The following FBXO11 variants were observed in gnomAD, a reference collection of about 807,000 sequenced individuals.
The protein encoded by FBXO11 is F-box protein 11, also known as F-box only protein 11.
In FBXO11, 13 loss-of-function variants were observed where a neutral mutation model predicts 117.0. That is an observed-to-expected ratio of 0.11 (90% CI 0.07 to 0.18). The LOEUF (loss-of-function observed/expected upper bound fraction) is 0.18, where lower values mean the gene tolerates loss of function less well. FBXO11 is among the 10% of genes least tolerant of loss of function. The probability of loss-of-function intolerance (pLI) is 1.00; values close to 1 mark genes in which losing one functional copy is unlikely to be tolerated. For synonymous variants in FBXO11, 490 were observed against 380.5 expected (o/e 1.29, Z -3.35); for missense variants, 767 against 1,164.4 (o/e 0.66, Z 4.97).
chr2:47,822,372 TA>T, intron 12 of FBXO11, 69 bp from the exon 13 acceptor site: 1 of 938,664 alleles, frequency 1.1e-6, no homozygotes, highest in East Asian at 2.5e-5. Flanking sequence ...TATACAACGG[TA>T]AGGCCCCTCA....
chr2:47,849,541 TCAAA>T (rs747705116), intron 1 of FBXO11, among the ~76,000 whole-genome samples: 3 of 152,206 alleles, frequency 2.0e-5, no homozygotes, highest in Non-Finnish European at 4.4e-5. Context: ...CACAGGTCAA[TCAAA>T]CAGAATATTG....
In FBXO11 at chr2:47,808,374, T is replaced by G; in HGVS notation, c.2609A>C (p.Lys870Thr). 6.2e-7 allele frequency: 1 copy of G among 1,612,390 alleles called. No individual in the cohort carries two copies. The highest frequency in any genetic ancestry group is 8.5e-7 in the Non-Finnish European group (1 of 1,179,144). The change falls in exon 22 of 23, where the codon AAG (lysine) becomes ACG (threonine). Residue 870 changes from lysine to threonine, a missense_variant. By Grantham distance (78) the Lys-to-Thr change is moderately conservative. This residue lies in a region of FBXO11 where 47 missense variants were observed against 117.3 expected (regional missense o/e 0.40). Transcript: ENST00000403359. ...TACATCATGTCCCTGATGGCACTTC[T>G]TAATGCAGTTCACACATATGGCATT... The part of the protein sequence containing the change: ...DRNAICVNCI[K>T]KCHQGHDVEF...
At position 47,852,157 on chromosome 2, in the gene FBXO11, T is replaced by C. The variant is rs370386079; in HGVS notation, c.233-12388A>G. 1.2e-3 allele frequency among the ~76,000 whole-genome samples: 180 copies of C among 152,128 alleles called. 1 individual carries two copies. Among genetic ancestry groups the C allele is most frequent in the African/African-American group, 3.9e-3 (161 of 41,502 alleles). ...GGCACCTGCCACCACACCCGGCTAA[T>C]TTTTGTATTTTTAGTAGAGACGGGG... On this transcript the variant is annotated intron_variant, in intron 1 of 22. Transcript: ENST00000403359.
intron 1 of FBXO11, among the ~76,000 whole-genome samples, chr2:47,867,618 C>A (rs1412959625): frequency 1.3e-5 from 2 of 152,186 alleles, no homozygotes; most frequent in African/African-American, 2.4e-5. Flanking sequence ...ATTATTAATT[C>A]TAATGGCCAT....
chr2:47,905,622 C>A lies in FBXO11; in HGVS notation c.99G>T (p.Pro33=). 1 of 1,371,298 alleles carries A rather than the reference C, an allele frequency of 7.3e-7. No homozygotes were observed. The highest frequency in any genetic ancestry group is 9.4e-7 in the Non-Finnish European group (1 of 1,059,024). The allele number at this position is 1,371,298 out of a possible 1,614,324, so 84.9% of individuals were successfully genotyped here. A position where few individuals can be genotyped will look rare whatever the true frequency, so the allele number is the denominator to read the frequency against. The change falls in exon 1 of 23, where the codon CCG becomes CCT. Residue 33 remains proline, a synonymous_variant. Transcript: ENST00000403359. ...QQQQPPQQPP[P]QPPQQQPPQQ... ...GGGGCGGCTGCTGCTGGGGCGGCTG[C>A]GGCGGCGGCTGCTGCGGGGGCTGCT...
chr2:47,867,547 G>T (rs1317087407), intron 1 of FBXO11, among the ~76,000 whole-genome samples: 1 of 152,186 alleles, frequency 6.6e-6, no homozygotes, highest in Non-Finnish European at 1.5e-5. Flanking sequence ...ATTACTGTAA[G>T]TCCCAGTCTA....
chr2:47,868,220 T>C (rs1572874973), intron 1 of FBXO11, among the ~76,000 whole-genome samples: 1 of 149,180 alleles, frequency 6.7e-6, no homozygotes, highest in African/African-American at 2.5e-5. Flanking sequence ...GAGGCGGAGG[T>C]TGCAGTGAGC....
chr2:47,847,440 G>C (rs1021791240), intron 1 of FBXO11, among the ~76,000 whole-genome samples: 1 of 152,204 alleles, frequency 6.6e-6, no homozygotes. Context: ...TGGGTGTGGT[G>C]GCTCACGCCT....
intron 18 of FBXO11, 183 bp downstream of exon 18, chr2:47,813,051 A>C (rs1670735137): frequency 1.6e-6 from 1 of 638,596 alleles, no homozygotes; most frequent in African/African-American, 1.8e-5. Flanking sequence ...ACAAAAGGAA[A>C]AGTATTGTAA....
chr2:47,858,840 C>G (rs182729298), intron 1 of FBXO11, among the ~76,000 whole-genome samples: 1 of 150,720 alleles, frequency 6.6e-6, no homozygotes, highest in East Asian at 2.0e-4. Context: ...GTCAGGAGTT[C>G]AAGACCAGGT....
At chr2:47,812,979 G>C (rs1050886454) in intron 18 of FBXO11, 4 of 474,562 alleles carry the variant, frequency 8.4e-6, no homozygotes, top group African/African-American at 2.0e-5. Flanking sequence ...AAAAGGTCCA[G>C]AGAATGTAAA....
intron 16 of FBXO11, 158 bp downstream of exon 16, chr2:47,818,621 T>C: frequency 1.6e-6 from 1 of 626,910 alleles, no homozygotes; most frequent in South Asian, 2.5e-5. Context: ...CAAGGAAAGC[T>C]ACATTCTGAC....
intron 1 of FBXO11, among the ~76,000 whole-genome samples, chr2:47,873,429 C>T (rs117458395): frequency 6.6e-6 from 1 of 152,330 alleles, no homozygotes; most frequent in East Asian, 1.9e-4. Flanking sequence ...TTATCCTTGC[C>T]CTACACGTGG....
intron 5 of FBXO11, among the ~76,000 whole-genome samples, chr2:47,835,123 G>T (rs375247514): frequency 6.6e-6 from 1 of 152,122 alleles, no homozygotes; most frequent in South Asian, 2.1e-4. Flanking sequence ...TGTTATGGGG[G>T]CTGTCCTGTG....
intron 1 of FBXO11, among the ~76,000 whole-genome samples, chr2:47,844,929 G>C (rs1452446801): frequency 6.6e-6 from 1 of 152,152 alleles, no homozygotes; most frequent in Non-Finnish European, 1.5e-5. Flanking sequence ...GAGCCACTGT[G>C]CCCAGCCCTT....
intron 1 of FBXO11, among the ~76,000 whole-genome samples, chr2:47,898,361 T>C (rs112062618): frequency 0.013 from 2,052 of 152,272 alleles, 35 homozygotes; most frequent in African/African-American, 0.044. Context: ...GCTACACATA[T>C]AAGAAACACA....
chr2:47,828,122 G>C (rs1671902479), intron 11 of FBXO11, among the ~76,000 whole-genome samples: 1 of 152,130 alleles, frequency 6.6e-6, no homozygotes, highest in African/African-American at 2.4e-5. Flanking sequence ...TAGGATTATA[G>C]GCGTGTGCCA....
chr2:47,873,582 G>A (rs181079113), intron 1 of FBXO11, among the ~76,000 whole-genome samples: 1 of 152,230 alleles, frequency 6.6e-6, no homozygotes, highest in East Asian at 1.9e-4. Flanking sequence ...AGGCACTTGT[G>A]TCTCTTATTC....
At chr2:47,828,957 C>T (rs1671975734) in intron 11 of FBXO11, among the ~76,000 whole-genome samples, 1 of 152,134 alleles carries the variant, frequency 6.6e-6, no homozygotes, top group Non-Finnish European at 1.5e-5. Flanking sequence ...CTCTGTCGCC[C>T]AGGCTGGAGT....
Sources: allele counts gnomAD v4.1 joint callset (sites outside exome capture counted in the v4.1 genomes callset), GRCh38; gene constraint gnomAD v4.1.1; regional missense constraint gnomAD v4.1.1; transcripts MANE v1.5; gene names NCBI Gene and HGNC (gene_info 2026-07-23, HGNC 2026-07-21).